The following SHROOM4 variants were observed in gnomAD, a reference collection of about 807,000 sequenced individuals.
The protein encoded by SHROOM4 is protein Shroom4.
In SHROOM4, 17 loss-of-function variants were observed where a neutral mutation model predicts 80.3. The ratio of observed to expected loss-of-function variants is 0.21; its 90% CI spans 0.14 to 0.32. The LOEUF is 0.32. Among genes scored for constraint, SHROOM4 ranks in the 10% least tolerant of loss-of-function variants. The pLI, the probability that SHROOM4 is intolerant of heterozygous loss-of-function variation, is 1.00. For synonymous variants in SHROOM4, 400 were observed against 437.5 expected (o/e 0.91, Z 1.07); for missense variants, 993 against 1,140.3 (o/e 0.87, Z 1.86).
chrX:50,599,064 GTT>G (rs1164422425), intron 7 of SHROOM4, among the ~76,000 whole-genome samples: 1 of 108,683 alleles, frequency 9.2e-6, no homozygotes, highest in Non-Finnish European at 1.9e-5. Context: ...GTTTCATGAT[GTT>G]GGCCAGGCTG....
chrX:50,775,810 C>A (rs1935492185), intron 1 of SHROOM4, among the ~76,000 whole-genome samples: 1 of 112,421 alleles, frequency 8.9e-6, no homozygotes, highest in Non-Finnish European at 1.9e-5. Flanking sequence ...TGGTGCTTAA[C>A]CAAAGCTAGA....
chrX:50,634,827 G>C lies in SHROOM4; in HGVS notation c.1246C>G (p.Leu416Val). The change falls in exon 4 of 9, where the codon CTG (leucine) becomes GTG (valine). Residue 416 changes from leucine (L) to valine (V), a missense_variant. Transcript: ENST00000376020. ...TGHRHSAPEQ[L>V]LASHLQHVHL... ...ACATGCTGCAGGTGGGATGCCAGCA[G>C]CTGTTCAGGGGCACTATGGCGATGC... 2.5e-6 allele frequency: 3 copies of C among 1,210,387 alleles called. No individual in the cohort carries two copies. Among genetic ancestry groups the C allele is most frequent in the Non-Finnish European group, 3.4e-6 (3 of 894,677 alleles).
At chrX:50,734,066 C>T (rs1349015987) in intron 1 of SHROOM4, among the ~76,000 whole-genome samples, 9 of 111,784 alleles carry the variant, frequency 8.1e-5, no homozygotes, top group Non-Finnish European at 1.3e-4. Context: ...TTTTTAAAAA[C>T]GAAGTACAAA....
intron 1 of SHROOM4, among the ~76,000 whole-genome samples, chrX:50,775,896 GC>G (rs1288728325): frequency 3.6e-5 from 4 of 112,393 alleles, no homozygotes; most frequent in African/African-American, 1.3e-4. Flanking sequence ...TCAACCGTAA[GC>G]CAAATACTGG....
intron 1 of SHROOM4, among the ~76,000 whole-genome samples, chrX:50,706,594 C>T (rs1286173654): frequency 9.0e-6 from 1 of 111,600 alleles, no homozygotes. Flanking sequence ...CGGGATAGAG[C>T]ATCTATTAGG....
downstream of SHROOM4, among the ~76,000 whole-genome samples, chrX:50,585,924 A>G (rs1301018238): frequency 9.0e-6 from 1 of 111,456 alleles, no homozygotes; most frequent in African/African-American, 3.3e-5. Context: ...ATAGAACAAA[A>G]TATCTACCAG....
intron 2 of SHROOM4, among the ~76,000 whole-genome samples, chrX:50,682,265 T>C (rs1932957561): frequency 8.9e-6 from 1 of 112,070 alleles, no homozygotes; most frequent in African/African-American, 3.2e-5. Context: ...AACCTTGCAC[T>C]CATCTTTGAC....
intron 1 of SHROOM4, among the ~76,000 whole-genome samples, chrX:50,793,452 AT>A (rs1323059628): frequency 1.8e-5 from 2 of 110,075 alleles, no homozygotes; most frequent in East Asian, 5.6e-4. Flanking sequence ...TCTCACTACA[AT>A]AAAAAGTAAG....
intron 1 of SHROOM4, among the ~76,000 whole-genome samples, chrX:50,710,803 T>C (rs9887724): frequency 0.057 from 6,395 of 111,673 alleles, 448 homozygotes; most frequent in African/African-American, 0.2. Context: ...ACTCAGCCTG[T>C]CTGCTTTGAT....
intron 1 of SHROOM4, among the ~76,000 whole-genome samples, chrX:50,769,416 T>C (rs1935350968): frequency 8.9e-6 from 1 of 112,087 alleles, no homozygotes; most frequent in African/African-American, 3.2e-5. Context: ...GCCTGAATCA[T>C]TAGGCGTCGC....
chrX:50,584,873 G>C (rs782331895), downstream of SHROOM4, among the ~76,000 whole-genome samples: 2 of 111,242 alleles, frequency 1.8e-5, no homozygotes, highest in South Asian at 7.8e-4. Context: ...CAGATATAAA[G>C]TTTTGGAGCT....
rs1602388724 is a variant in SHROOM4 at position 50,634,759 on chromosome X, G to A, written c.1314C>T (p.Pro438=). Residue 438 remains proline (P), a synonymous_variant, in exon 4 of 9, where the codon CCC becomes CCT. Transcript: ENST00000376020. ...GAGTCCACTGGTGCCCATCCTGTAC[G>A]GGTGGGAGCTCCATCCCTTTGCTGC... ...TRGSKGMELP[P]VQDGHQWTLS... is the part of the protein sequence containing the mutation. 3.3e-6 allele frequency: 4 copies of A among 1,209,904 alleles called. No homozygotes were observed. Among genetic ancestry groups the A allele is most frequent in the Non-Finnish European group, 4.5e-6 (4 of 895,249 alleles).
At position 50,635,205 on chromosome X, in the gene SHROOM4, G is replaced by T; in HGVS notation, c.868C>A (p.Leu290Ile). The change falls in exon 4 of 9, where the codon CTC becomes ATC. Residue 290 changes from leucine (L) to isoleucine (I), a missense_variant. Physicochemically the swap from Leu to Ile is conservative, Grantham distance 5 (BLOSUM62 2). Transcript: ENST00000376020. ...RDSLQASRAQ[L>I]LNGEQRRASE... The stretch of plus-strand genomic sequence containing the variant: ...GCCCTGCGCTGCTCTCCATTGAGGA[G>T]TTGGGCTCTGGAGGCCTGAAGGCTG... 8.3e-7 allele frequency: 1 copy of T among 1,204,093 alleles called. No individual in the cohort carries two copies.
At chrX:50,794,306 A>C (rs1164881825) in intron 1 of SHROOM4, among the ~76,000 whole-genome samples, 2 of 111,380 alleles carry the variant, frequency 1.8e-5, no homozygotes, top group Non-Finnish European at 3.8e-5. Context: ...GTGATCCTTC[A>C]GAGAATGATG....
intron 1 of SHROOM4, among the ~76,000 whole-genome samples, chrX:50,800,791 A>T (rs1331958157): frequency 3.6e-5 from 4 of 110,923 alleles, no homozygotes; most frequent in Non-Finnish European, 7.6e-5. Flanking sequence ...TACAGGCAGC[A>T]GGGAACCATT....
chrX:50,625,905 C>G (rs1260788561), intron 5 of SHROOM4, among the ~76,000 whole-genome samples: 1 of 112,446 alleles, frequency 8.9e-6, no homozygotes, highest in Non-Finnish European at 1.9e-5. Context: ...CACCTTTCTT[C>G]TCTGCTGCTG....
intron 5 of SHROOM4, among the ~76,000 whole-genome samples, chrX:50,614,991 A>T (rs1337795584): frequency 1.8e-5 from 2 of 111,955 alleles, no homozygotes; most frequent in African/African-American, 6.5e-5. Flanking sequence ...GTAAAAAAGA[A>T]TGTATATACA....
intron 2 of SHROOM4, among the ~76,000 whole-genome samples, chrX:50,656,695 C>A (rs1287478826): frequency 1.9e-5 from 2 of 103,319 alleles, no homozygotes; most frequent in Non-Finnish European, 4.0e-5. Flanking sequence ...ATGCCTCCAG[C>A]TTTTTTTTTT....
At chrX:50,579,105 T>C in the SHROOM4 span, among the ~76,000 whole-genome samples, 1 of 112,202 alleles carries the variant, frequency 8.9e-6, no homozygotes. Flanking sequence ...ATGTAGATAC[T>C]GATAAATTTA....
Sources: gnomAD v4.1 joint callset for allele counts (sites outside exome capture counted in the v4.1 genomes callset) on GRCh38, gnomAD v4.1.1 for gene constraint, MANE v1.5 for transcripts, NCBI Gene and HGNC (gene_info 2026-07-23, HGNC 2026-07-21) for gene names.